Variants in CSPP1 observed in about 807,000 individuals in gnomAD.
CSPP1 encodes centrosome and spindle pole-associated protein 1.
A neutral mutation model predicts 164.4 loss-of-function variants in CSPP1; 126 were observed. That is an observed-to-expected ratio of 0.77 (90% CI 0.66 to 0.89). The LOEUF (loss-of-function observed/expected upper bound fraction) is 0.89, where lower values mean the gene tolerates loss of function less well. Ranked by LOEUF, CSPP1 falls within the 40% of genes least tolerant of loss-of-function variation. CSPP1 has a pLI of 0.00. For synonymous variants in CSPP1, 472 were observed against 476.7 expected, an observed-to-expected ratio of 0.99 and a Z score of 0.13; for missense variants, 1,395 against 1,449.8, an observed-to-expected ratio of 0.96 and a Z score of 0.61.
chr8:67,074,735 A>G (rs1716349052), intron 2 of CSPP1: 4 of 249,810 alleles, frequency 1.6e-5, no homozygotes, highest in Middle Eastern at 1.6e-3. Flanking sequence ...GAATTTATTA[A>G]TTTATTTTGT....
In CSPP1 at chr8:67,112,166, T is replaced by G. The variant is rs566401744; in HGVS notation, c.1187+101T>G. ...GGGGTTGTCGTTCTAATATGATGTT[T>G]GATTTGTAAATCACTTATATTTTCA... On this transcript the variant is annotated intron_variant, in intron 10 of 30. Coordinates refer to ENST00000678616, the MANE Select transcript of CSPP1 (RefSeq NM_001382391.1). The G allele has an allele frequency of 3.8e-5, 26 of 683,742 alleles. No homozygotes were observed. The Admixed American group carries it at 5.9e-4, about 15-fold the overall frequency. The allele number at this position is 683,742 out of a possible 1,614,324, so 42.4% of individuals were successfully genotyped here. A position where few individuals can be genotyped will look rare whatever the true frequency, so the allele number is the denominator to read the frequency against.
rs1837841190 is a variant in CSPP1 at position 67,195,883 on chromosome 8, C to CATTA, written c.*292_*295dup. The CATTA allele has an allele frequency of 6.9e-6, 2 of 290,996 alleles. No individual in the cohort carries two copies. The highest frequency in any genetic ancestry group is 9.5e-5 in the Admixed American group (2 of 20,970). The allele number at this position is 290,996 out of a possible 1,614,324, so 18.0% of individuals were successfully genotyped here. On this transcript the variant is annotated 3_prime_UTR_variant, in exon 31 of 31. Transcript: ENST00000678616. ...GTGCATTATATTGAATTCTGCTTGT[C>CATTA]ATTAAGATAAGGTGAATAAGTGTCT...
intron 28 of CSPP1, among the ~76,000 whole-genome samples, chr8:67,190,117 A>G (rs1835802471): frequency 6.6e-6 from 1 of 152,258 alleles, no homozygotes; most frequent in East Asian, 1.9e-4. Flanking sequence ...TCCACACACA[A>G]AAACTTGAAT....
intron 21 of CSPP1, 143 bp downstream of exon 21, chr8:67,159,280 G>A (rs1827256565): frequency 1.3e-6 from 1 of 756,968 alleles, no homozygotes; most frequent in Admixed American, 2.6e-5. Flanking sequence ...TGGGCACAAT[G>A]TACTGAACTT....
chr8:67,162,554 G>A (rs895689583), intron 22 of CSPP1, among the ~76,000 whole-genome samples: 1 of 152,196 alleles, frequency 6.6e-6, no homozygotes, highest in Non-Finnish European at 1.5e-5. Flanking sequence ...GATTTAGTAG[G>A]TCTGTGGTAG....
In CSPP1 at chr8:67,195,451, T is replaced by C; in HGVS notation, c.3539T>C (p.Val1180Ala). ...KHIGDDGSNS[V>A]ATEPWLRPGT... ...ATAGGGGATGACGGATCAAACTCTG[T>C]AGCAACTGAGCCCTGGCTCCGCCCT... is the stretch of plus-strand genomic sequence containing the variant. Residue 1180 changes from valine (V) to alanine (A), a missense_variant, in exon 31 of 31, where the codon GTA becomes GCA. By Grantham distance (64) the Val-to-Ala change is moderately conservative. Transcript: ENST00000678616. 2 of 1,614,162 alleles carry C rather than the reference T, an allele frequency of 1.2e-6. No homozygotes were observed. Among genetic ancestry groups the C allele is most frequent in the Non-Finnish European group, 1.7e-6 (2 of 1,179,986 alleles).
Position 67,175,288 on chromosome 8 carries a change from T to C in CSPP1, c.2969-8T>C. 1 of 1,600,440 alleles carries C rather than the reference T, an allele frequency of 6.2e-7. No individual in the cohort carries two copies. Reference sequence around the variant, plus strand: ...TAACTTAGTTATATAACATATTTTTTATACCAGATTCAGAAACACGAGTTG... The same window carrying C: ...TAACTTAGTTATATAACATATTTTTCATACCAGATTCAGAAACACGAGTTG... On this transcript the variant is annotated splice_region_variant and splice_polypyrimidine_tract_variant and intron_variant, in intron 25 of 30. Transcript: ENST00000678616.
At chr8:67,077,825 A>C (rs1808285228) in intron 3 of CSPP1, among the ~76,000 whole-genome samples, 2 of 152,244 alleles carry the variant, frequency 1.3e-5, no homozygotes, top group Non-Finnish European at 2.9e-5. Context: ...ATGCCGGCCA[A>C]GAAACTGGAT....
intron 15 of CSPP1, among the ~76,000 whole-genome samples, chr8:67,121,814 T>TAG (rs918492817): frequency 6.6e-6 from 1 of 152,134 alleles, no homozygotes; most frequent in African/African-American, 2.4e-5. Flanking sequence ...GATTATTGAT[T>TAG]AGAGATTCAG....
At chr8:67,109,747 A>G (rs1016157133) in intron 9 of CSPP1, among the ~76,000 whole-genome samples, 2 of 152,180 alleles carry the variant, frequency 1.3e-5, no homozygotes, top group African/African-American at 2.4e-5. Context: ...TAAGAAACAT[A>G]GACACAAAGG....
chr8:67,124,669 T>C (rs2129552716), intron 15 of CSPP1, among the ~76,000 whole-genome samples: 1 of 152,010 alleles, frequency 6.6e-6, no homozygotes, highest in Non-Finnish European at 1.5e-5. Flanking sequence ...GCTCAGCTAA[T>C]TAAAAAAATT....
chr8:67,149,877 C>T lies in CSPP1; in HGVS notation c.2070C>T (p.Asp690=), dbSNP rs753911335. ...ATAAAAGGGCTGTTGTATCTCTAGA[C>T]CCAAATTTAGCCACTTCAAATGCTG... is the stretch of plus-strand genomic sequence containing the variant. ...YEDKRAVVSL[D]PNLATSNAEN... Residue 690 remains aspartate, a synonymous_variant, in exon 18 of 31, where the codon GAC becomes GAT. Coordinates refer to ENST00000678616, the MANE Select transcript of CSPP1 (RefSeq NM_001382391.1). 4 of 1,606,020 alleles carry T rather than the reference C, an allele frequency of 2.5e-6. No homozygotes were observed. The highest frequency in any genetic ancestry group is 3.4e-6 in the Non-Finnish European group (4 of 1,177,030).
Position 67,131,928 on chromosome 8 carries a change from T to A in CSPP1, c.1698-23T>A, listed in dbSNP as rs183619087. 6 of 1,559,650 alleles carry A rather than the reference T, an allele frequency of 3.8e-6. No homozygotes were observed. In the African/African-American group the frequency reaches 8.2e-5, roughly 21 times the overall value. On this transcript the variant is annotated intron_variant, in intron 15 of 30. Transcript: ENST00000678616. ...TGCTTTGTCGTCAATGGATTTAAAT[T>A]ATTTATTGTGTATTTGATGTAGGAA...
At chr8:67,077,374 C>T (rs1446534225) in intron 3 of CSPP1, among the ~76,000 whole-genome samples, 3 of 151,826 alleles carry the variant, frequency 2.0e-5, no homozygotes, top group Admixed American at 6.6e-5. Context: ...CTGACCCTGT[C>T]GCCCAGGCTG....
intron 2 of CSPP1, chr8:67,074,777 AAAT>A (rs1184041092): frequency 3.2e-6 from 1 of 315,116 alleles, no homozygotes; most frequent in Non-Finnish European, 6.0e-6. Flanking sequence ...AAATTTCTTA[AAAT>A]AATTGCTTTT....
intron 1 of CSPP1, among the ~76,000 whole-genome samples, chr8:67,071,734 C>T (rs1051599872): frequency 1.3e-5 from 2 of 152,078 alleles, no homozygotes; most frequent in African/African-American, 4.8e-5. Context: ...TGTCTACGTA[C>T]CCAATTAGAT....
At chr8:67,112,598 C>T (rs1219529703) in intron 10 of CSPP1, among the ~76,000 whole-genome samples, 4 of 152,104 alleles carry the variant, frequency 2.6e-5, no homozygotes, top group East Asian at 1.9e-4. Flanking sequence ...TCACTTCATA[C>T]GAGGCCCCCT....
At chr8:67,107,600 A>G (rs953008076) in intron 9 of CSPP1, among the ~76,000 whole-genome samples, 3 of 152,120 alleles carry the variant, frequency 2.0e-5, no homozygotes, top group African/African-American at 7.2e-5. Flanking sequence ...CCCCAAAACT[A>G]TGTTTGTACA....
intron 7 of CSPP1, among the ~76,000 whole-genome samples, chr8:67,100,642 C>T (rs1813859628): frequency 6.6e-6 from 1 of 150,862 alleles, no homozygotes; most frequent in Non-Finnish European, 1.5e-5. Flanking sequence ...TGCAGTGGTA[C>T]AGTCTTGGCT....
Sources: gnomAD v4.1 joint callset for allele counts (sites outside exome capture counted in the v4.1 genomes callset) on GRCh38, gnomAD v4.1.1 for gene constraint, MANE v1.5 for transcripts, NCBI Gene and HGNC (gene_info 2026-07-23, HGNC 2026-07-21) for gene names.